The following LARS1 variants were observed in gnomAD, a reference collection of about 807,000 sequenced individuals.
The protein encoded by LARS1 is leucyl-tRNA synthetase 1.
LARS1 carries 100 observed loss-of-function variants against 162.8 expected under a neutral mutation model. That is an observed-to-expected ratio of 0.61 (90% CI 0.52 to 0.73). The LOEUF is 0.73. Among genes scored for constraint, LARS1 ranks in the 30% least tolerant of loss-of-function variants. The pLI, the probability that LARS1 is intolerant of heterozygous loss-of-function variation, is 0.00. For synonymous variants in LARS1, 457 were observed against 462.8 expected (o/e 0.99, Z 0.16); for missense variants, 1,258 against 1,408.9 (o/e 0.89, Z 1.71).
At chr5:146,175,751 C>T (rs544923617) in intron 2 of LARS1, among the ~76,000 whole-genome samples, 1 of 151,422 alleles carries the variant, frequency 6.6e-6, no homozygotes, top group Admixed American at 6.6e-5. Flanking sequence ...TGGCGTGAAC[C>T]CGGCAGGCGG....
chr5:146,155,057 G>A (rs997634180), intron 10 of LARS1, among the ~76,000 whole-genome samples: 1 of 151,978 alleles, frequency 6.6e-6, no homozygotes, highest in Non-Finnish European at 1.5e-5. Flanking sequence ...TCACCATGTT[G>A]GCCAGGCTGG....
chr5:146,134,348 A>G (rs1561805175), intron 22 of LARS1, among the ~76,000 whole-genome samples: 1 of 152,320 alleles, frequency 6.6e-6, no homozygotes, highest in East Asian at 1.9e-4. Context: ...TAATATATAC[A>G]TAAAGTGGTT....
chr5:146,179,990 G>C (rs2126616045), intron 1 of LARS1, among the ~76,000 whole-genome samples: 2 of 152,344 alleles, frequency 1.3e-5, no homozygotes, highest in Middle Eastern at 6.8e-3. Flanking sequence ...CATTTATGCA[G>C]TTGGGCTGTA....
chr5:146,152,096 C>T, intron 13 of LARS1, 94 bp from the exon 14 acceptor site: 1 of 1,314,104 alleles, frequency 7.6e-7, no homozygotes, highest in African/African-American at 1.5e-5. Flanking sequence ...CCAATTAAGT[C>T]ATTTCAGATT....
At chr5:146,172,465 G>C (rs1032872317) in intron 3 of LARS1, among the ~76,000 whole-genome samples, 3 of 151,902 alleles carry the variant, frequency 2.0e-5, no homozygotes, top group African/African-American at 7.3e-5. Context: ...GCAGTGAGCT[G>C]AGATCACACC....
chr5:146,169,154 T>C (rs552005592), intron 4 of LARS1, among the ~76,000 whole-genome samples: 1 of 152,294 alleles, frequency 6.6e-6, no homozygotes, highest in South Asian at 2.1e-4. Context: ...TATACTCTAT[T>C]AGTTATCATC....
In LARS1 at chr5:146,131,011, C is replaced by T. The variant is rs745715631; in HGVS notation, c.2487+8G>A. 3 of 1,504,612 alleles carry T rather than the reference C, an allele frequency of 2.0e-6. No individual in the cohort carries two copies. The South Asian group carries it at 3.6e-5, about 18-fold the overall frequency. 93.2% of individuals were successfully genotyped at this position (1,504,612 alleles called of 1,614,324 possible). A position where few individuals can be genotyped will look rare whatever the true frequency, so the allele number is the denominator to read the frequency against. Reference sequence around the variant, plus strand: ...GTTTTATAGCTACCAAAAGAATCAACAGCCTACCTGAAACTCAAAAAACCC... The same window carrying T: ...GTTTTATAGCTACCAAAAGAATCAATAGCCTACCTGAAACTCAAAAAACCC... On this transcript the variant is annotated splice_region_variant and intron_variant, in intron 24 of 31. Transcript: ENST00000394434.
At chr5:146,182,174 C>A (rs1754901781) in intron 1 of LARS1, 1 of 375,116 alleles carries the variant, frequency 2.7e-6, no homozygotes, top group Non-Finnish European at 5.0e-6. Flanking sequence ...CTCCTGACCT[C>A]AAATGATCCA....
At chr5:146,167,234 CAA>C (rs1054220963) in intron 5 of LARS1, among the ~76,000 whole-genome samples, 2 of 152,032 alleles carry the variant, frequency 1.3e-5, no homozygotes, top group African/African-American at 4.8e-5. Flanking sequence ...TGGTAAAATC[CAA>C]AAAGTCTGTA....
At chr5:146,174,077 T>C (rs1267763614) in intron 2 of LARS1, among the ~76,000 whole-genome samples, 1 of 132,572 alleles carries the variant, frequency 7.5e-6, no homozygotes, top group Admixed American at 8.7e-5. Context: ...TAGAAGAAAA[T>C]AGAAGCTTCA....
intron 14 of LARS1, among the ~76,000 whole-genome samples, chr5:146,151,617 G>T (rs1012613906): frequency 6.6e-6 from 1 of 152,090 alleles, no homozygotes; most frequent in Admixed American, 6.5e-5. Context: ...GAAATATCTT[G>T]TCAAGAAATT....
chr5:146,180,308 G>A (rs779511669), intron 1 of LARS1, among the ~76,000 whole-genome samples: 13 of 152,082 alleles, frequency 8.5e-5, no homozygotes, highest in African/African-American at 1.4e-4. Context: ...CAAGGTGGGC[G>A]GATCACTTGA....
chr5:146,178,700 A>G (rs1247475449), intron 1 of LARS1, among the ~76,000 whole-genome samples: 1 of 152,140 alleles, frequency 6.6e-6, no homozygotes, highest in African/African-American at 2.4e-5. Context: ...CTAAGAAATA[A>G]TAAGCCTGCA....
chr5:146,119,518 T>A (rs1350856453), intron 31 of LARS1, among the ~76,000 whole-genome samples: 1 of 152,160 alleles, frequency 6.6e-6, no homozygotes, highest in African/African-American at 2.4e-5. Context: ...TTTTGATTGC[T>A]ATCAAAAAGA....
intron 24 of LARS1, 182 bp downstream of exon 24, chr5:146,130,836 GA>G (rs1038177587): frequency 4.5e-6 from 2 of 444,270 alleles, no homozygotes; most frequent in African/African-American, 2.0e-5. Context: ...GGACACAATA[GA>G]AAAAATACCA....
intron 6 of LARS1, among the ~76,000 whole-genome samples, 171 bp from the exon 7 acceptor site, chr5:146,160,657 T>TTAAC (rs1244705708): frequency 1.3e-5 from 2 of 152,112 alleles, no homozygotes; most frequent in Non-Finnish European, 2.9e-5. Flanking sequence ...TTTAATTTAC[T>TTAAC]TAAAGTATAT....
Position 146,128,773 on chromosome 5 carries a change from T to TG in LARS1, c.2778dup (p.Lys927GlnfsTer31). 6.2e-7 allele frequency: 1 copy of TG among 1,602,192 alleles called. No homozygotes were observed. The highest frequency in any genetic ancestry group is 8.5e-7 in the Non-Finnish European group (1 of 1,176,888). On this transcript the variant is annotated frameshift_variant, in exon 27 of 32. Coordinates refer to ENST00000394434, the MANE Select transcript of LARS1 (RefSeq NM_020117.11). LOFTEE classifies it high-confidence loss of function. ...TGTGAGGGCTTCTGCAGGGGTTGTT[T>TG]GTCAGTCTTCTAGACGGTAAAAGAA...
At position 146,181,474 on chromosome 5, in the gene LARS1, G is replaced by A. The variant is rs1257269937; in HGVS notation, c.6+1014C>T. Among the ~76,000 whole-genome samples, 4 of 152,010 alleles carry A rather than the reference G, an allele frequency of 2.6e-5. No individual in the cohort carries two copies. The South Asian group carries it at 6.2e-4, about 24-fold the overall frequency. ...AAGGATCGCTTGACCCCAGGAGTTC[G>A]AAACCCTGTCTCTACTAAAAATACA... On this transcript the variant is annotated intron_variant, in intron 1 of 31. Transcript: ENST00000394434.
At chr5:146,154,024 G>A in intron 10 of LARS1, 44 bp from the exon 11 acceptor site, 1 of 1,310,344 alleles carries the variant, frequency 7.6e-7, no homozygotes, top group Non-Finnish European at 1.1e-6. Context: ...GTAATTCATT[G>A]TGACCATTAG....
Sources: gnomAD v4.1 joint callset for allele counts (sites outside exome capture counted in the v4.1 genomes callset) on GRCh38, gnomAD v4.1.1 for gene constraint, MANE v1.5 for transcripts, NCBI Gene and HGNC (gene_info 2026-07-23, HGNC 2026-07-21) for gene names.